DAGLA: variants seen among roughly 807,000 people sequenced by gnomAD.
DAGLA encodes diacylglycerol lipase alpha.
DAGLA carries 22 observed loss-of-function variants against 102.6 expected under a neutral mutation model. That is an observed-to-expected ratio of 0.21 (90% CI 0.15 to 0.31). DAGLA has a LOEUF of 0.31. Ranked by LOEUF, DAGLA falls within the 10% of genes least tolerant of loss-of-function variation. The pLI is 1.00. For missense variants in DAGLA, 927 were observed against 1,446.6 expected (o/e 0.64, Z 5.83); for synonymous variants, 578 against 628.9 (o/e 0.92, Z 1.21).
chr11:61,703,430 A>G (rs559597879), intron 1 of DAGLA, among the ~76,000 whole-genome samples: 2 of 145,138 alleles, frequency 1.4e-5, no homozygotes, highest in Admixed American at 1.4e-4. Flanking sequence ...CAGCCACGCA[A>G]AGCTCTGGGG....
rs1230429889 is a variant in DAGLA, at chr11:61,744,027, G to A, written c.2667G>A (p.Pro889=). 1.1e-5 allele frequency: 18 copies of A among 1,612,076 alleles called. No individual in the cohort carries two copies. The highest frequency in any genetic ancestry group is 4.5e-5 in the East Asian group (2 of 44,874). Reference sequence around the variant, plus strand: ...AGGTTGGCGGTGGGGGTGGCGGGCCGGCCTCCCGCGGGGAGCTGGCGCTGC... The same window carrying A: ...AGGTTGGCGGTGGGGGTGGCGGGCCAGCCTCCCGCGGGGAGCTGGCGCTGC... ...EEEVGGGGGG[P]ASRGELALHN... Residue 889 remains proline (P), a synonymous_variant, in exon 20 of 20, where the codon CCG becomes CCA. Transcript: ENST00000257215.
chr11:61,725,872 C>G, intron 5 of DAGLA, 123 bp from the exon 6 acceptor site: 1 of 884,956 alleles, frequency 1.1e-6, no homozygotes. Context: ...TCCCCCAGAA[C>G]CCACTGCGGG....
At position 61,744,108 on chromosome 11, in the gene DAGLA, C is replaced by A. The variant is rs776233427; in HGVS notation, c.2748C>A (p.Phe916Leu). The change falls in exon 20 of 20, where the codon TTC (phenylalanine) becomes TTA (leucine). Residue 916 changes from phenylalanine to leucine, a missense_variant. By Grantham distance (22) the Phe-to-Leu change is conservative. Transcript: ENST00000257215. ...CTCAGGTGCTGGAATTCGCCGAGTTCATCGACAGCCTCTTCAACCTGGACA... is the reference window on the plus strand; with the variant it reads ...CTCAGGTGCTGGAATTCGCCGAGTTAATCGACAGCCTCTTCAACCTGGACA... ...PSPQVLEFAE[F>L]IDSLFNLDSK... The A allele has an allele frequency of 6.2e-7, 1 of 1,613,014 alleles. No individual in the cohort carries two copies. The highest frequency in any genetic ancestry group is 8.5e-7 in the Non-Finnish European group (1 of 1,180,000).
intron 1 of DAGLA, among the ~76,000 whole-genome samples, chr11:61,703,385 A>T (rs1446024209): frequency 1.5e-5 from 2 of 129,660 alleles, no homozygotes; most frequent in East Asian, 2.8e-4. Flanking sequence ...CCAGGAGGGG[A>T]TGTTTGAGCT....
At chr11:61,733,182 C>T (rs1423454379) in intron 9 of DAGLA, among the ~76,000 whole-genome samples, 1 of 152,240 alleles carries the variant, frequency 6.6e-6, no homozygotes, top group Non-Finnish European at 1.5e-5. Context: ...TGAGTGACCT[C>T]CAGGCCCTTG....
Position 61,734,936 on chromosome 11 carries a change from C to T in DAGLA, c.1062C>T (p.Ile354=). The T allele has an allele frequency of 6.2e-7, 1 of 1,614,110 alleles. No homozygotes were observed. Among genetic ancestry groups the T allele is most frequent in the Non-Finnish European group, 8.5e-7 (1 of 1,179,968 alleles). ...GCTGTGGCTGTAATGCCATTGCCATCCGGCGCCACTTCCTGGACGAGAACA... is the reference window on the plus strand; with the variant it reads ...GCTGTGGCTGTAATGCCATTGCCATTCGGCGCCACTTCCTGGACGAGAACA... ...DNCCGCNAIA[I]RRHFLDENMT... is the part of the protein sequence containing the mutation. Residue 354 remains isoleucine (I), a synonymous_variant, in exon 10 of 20, where the codon ATC becomes ATT. Coordinates refer to ENST00000257215, the MANE Select transcript of DAGLA (RefSeq NM_006133.3). This position sits in a 1 kb window ranked among gnomAD's most constrained non-coding sequence, Gnocchi z 4.2.
intron 5 of DAGLA, 115 bp from the exon 6 acceptor site, chr11:61,725,880 G>A (rs571013142): frequency 2.5e-5 from 24 of 957,734 alleles, no homozygotes; most frequent in Admixed American, 1.1e-4. Flanking sequence ...AACCCACTGC[G>A]GGAACCCTTT....
intron 1 of DAGLA, among the ~76,000 whole-genome samples, chr11:61,683,020 C>T (rs2064957529): frequency 1.3e-5 from 2 of 152,314 alleles, no homozygotes; most frequent in East Asian, 1.9e-4. Flanking sequence ...GTGCTTTGCT[C>T]TCTGCCACCA....
chr11:61,693,693 G>A (rs1416751442), intron 1 of DAGLA, among the ~76,000 whole-genome samples: 1 of 152,164 alleles, frequency 6.6e-6, no homozygotes, highest in Non-Finnish European at 1.5e-5. Context: ...TCTGGTCTGG[G>A]GTCCCCGGTC....
chr11:61,694,987 G>A (rs1008595179), intron 1 of DAGLA, among the ~76,000 whole-genome samples: 2 of 152,160 alleles, frequency 1.3e-5, no homozygotes, highest in African/African-American at 4.8e-5. Flanking sequence ...TGCCTGGGGA[G>A]CACCAAGCAC....
At chr11:61,720,351 A>C in intron 2 of DAGLA, 101 bp downstream of exon 2, 1 of 1,217,772 alleles carries the variant, frequency 8.2e-7, no homozygotes, top group Non-Finnish European at 1.2e-6. Flanking sequence ...CCCAAGTCCC[A>C]ACCCTGTCAT....
At position 61,736,260 on chromosome 11, in the gene DAGLA, G is replaced by T; in HGVS notation, c.1291-10G>T. 1 of 1,613,588 alleles carries T rather than the reference G, an allele frequency of 6.2e-7. No homozygotes were observed. Among genetic ancestry groups the T allele is most frequent in the South Asian group, 1.1e-5 (1 of 91,048 alleles). On this transcript the variant is annotated splice_polypyrimidine_tract_variant and intron_variant, in intron 12 of 19. Transcript: ENST00000257215. ...CCCACCAACACCTGCTTCTGTTCCT[G>T]CCCACCCAGGGTATGGTCCTCTCAG...
chr11:61,737,637 C>A, intron 14 of DAGLA, 50 bp from the exon 15 acceptor site: 1 of 1,553,624 alleles, frequency 6.4e-7, no homozygotes, highest in Non-Finnish European at 8.9e-7. Context: ...TTCCGGAACA[C>A]CACCACCCCG....
intron 1 of DAGLA, among the ~76,000 whole-genome samples, chr11:61,687,833 A>G (rs2064997636): frequency 1.3e-5 from 2 of 152,168 alleles, no homozygotes; most frequent in Admixed American, 1.3e-4. Context: ...GACCATAACA[A>G]GGAGCATGGG....
chr11:61,728,136 C>T lies in DAGLA; in HGVS notation c.637-17C>T, dbSNP rs745505035. 3.7e-6 allele frequency: 6 copies of T among 1,613,638 alleles called. No homozygotes were observed. Among genetic ancestry groups the T allele is most frequent in the Non-Finnish European group, 5.1e-6 (6 of 1,179,800 alleles). ...CTGCTCCCCTGCCACTGCCTCCTGC[C>T]TTCCTGGACCTCGTAGGATGCCTAC... On this transcript the variant is annotated splice_polypyrimidine_tract_variant and intron_variant, in intron 6 of 19. Coordinates refer to ENST00000257215, the MANE Select transcript of DAGLA (RefSeq NM_006133.3).
intron 1 of DAGLA, among the ~76,000 whole-genome samples, chr11:61,712,343 A>G (rs1158280580): frequency 6.6e-6 from 1 of 152,196 alleles, no homozygotes; most frequent in Non-Finnish European, 1.5e-5. Context: ...TGTGGCTGGC[A>G]CATGGTGAGG....
intron 1 of DAGLA, among the ~76,000 whole-genome samples, chr11:61,681,131 G>A (rs1023205380): frequency 6.6e-6 from 1 of 152,174 alleles, no homozygotes; most frequent in Non-Finnish European, 1.5e-5. Context: ...CCTGATGAAT[G>A]GGAAGGGTAA....
chr11:61,728,875 G>T, intron 7 of DAGLA, 56 bp from the exon 8 acceptor site: 1 of 1,533,366 alleles, frequency 6.5e-7, no homozygotes, highest in South Asian at 1.1e-5. Context: ...CCCTTTCCCA[G>T]CCATGCAGCC....
rs780344581 is a variant in DAGLA, at chr11:61,731,406, C to T, written c.939C>T (p.Pro313=). 28 of 1,613,874 alleles carry T rather than the reference C, an allele frequency of 1.7e-5. No individual in the cohort carries two copies. The highest frequency in any genetic ancestry group is 2.2e-5 in the East Asian group (1 of 44,892). The stretch of plus-strand genomic sequence containing the variant: ...GGCCCATGTACCTGATGCGGAAGCC[C>T]GCCTGCGGCCTCTGCCAACTGGCTC... ...YGWPMYLMRK[P]ACGLCQLARS... Residue 313 remains proline, a synonymous_variant, in exon 9 of 20, where the codon CCC becomes CCT. Transcript: ENST00000257215.
Sources: allele counts gnomAD v4.1 joint callset (sites outside exome capture counted in the v4.1 genomes callset), GRCh38; gene constraint gnomAD v4.1.1; non-coding constraint Gnocchi (gnomAD v3.1); transcripts MANE v1.5; gene names NCBI Gene and HGNC (gene_info 2026-07-23, HGNC 2026-07-21).